The following NOX3 variants were observed in gnomAD, a reference collection of about 807,000 sequenced individuals.
NOX3 encodes NADPH oxidase catalytic subunit-like 3.
NOX3 carries 74 observed loss-of-function variants against 76.7 expected under a neutral mutation model. That is an observed-to-expected ratio of 0.96 (90% CI 0.80 to 1.17). The LOEUF (loss-of-function observed/expected upper bound fraction) is 1.17. NOX3 is among the 50% of genes most tolerant of loss of function. The probability of loss-of-function intolerance (pLI) is 0.00; values close to 1 mark genes in which losing one functional copy is unlikely to be tolerated. For synonymous variants in NOX3, 263 were observed against 261.1 expected, an observed-to-expected ratio of 1.01 and a Z score of -0.07; for missense variants, 695 against 703.3, an observed-to-expected ratio of 0.99 and a Z score of 0.13.
chr6:155,428,702 A>C (rs1182444573), intron 9 of NOX3, 92 bp downstream of exon 9: 1 of 1,223,936 alleles, frequency 8.2e-7, no homozygotes, highest in African/African-American at 1.5e-5. Context: ...CATTTAATAA[A>C]GATATTGCTG....
In NOX3 at chr6:155,428,774, T is replaced by G; in HGVS notation, c.1145+20A>C. On this transcript the variant is annotated intron_variant, in intron 9 of 13. Coordinates refer to ENST00000159060, the MANE Select transcript of NOX3 (RefSeq NM_015718.3). ...TTTTTATAATACTGCAATTTATACATGAGAGAAATGGGCACGAACCTTGGC... is the reference window on the plus strand; with the variant it reads ...TTTTTATAATACTGCAATTTATACAGGAGAGAAATGGGCACGAACCTTGGC... 1 of 1,471,018 alleles carries G rather than the reference T, an allele frequency of 6.8e-7. No homozygotes were observed. The highest frequency in any genetic ancestry group is 1.5e-5 in the South Asian group (1 of 64,528). 91.1% of individuals were successfully genotyped at this position (1,471,018 alleles called of 1,614,324 possible).
chr6:155,418,225 T>A (rs1776644783), intron 10 of NOX3, among the ~76,000 whole-genome samples: 1 of 152,150 alleles, frequency 6.6e-6, no homozygotes, highest in Non-Finnish European at 1.5e-5. Context: ...CCGTCCTAAT[T>A]TTTTTTCAAG....
chr6:155,422,783 C>T lies in NOX3; in HGVS notation c.1219G>A (p.Ala407Thr), dbSNP rs76198873. ...FHYPVCVCVA[A>T]GIGVTPFAAL... Reference sequence around the variant, plus strand: ...GCGAAGGGAGTGACTCCGATCCCCGCGGCAACGCACACACACACTGGGTAG... The same window carrying T: ...GCGAAGGGAGTGACTCCGATCCCCGTGGCAACGCACACACACACTGGGTAG... Residue 407 changes from alanine (A) to threonine (T), a missense_variant, in exon 10 of 14, where the codon GCG becomes ACG. By Grantham distance (58) the Ala-to-Thr change is moderately conservative (BLOSUM62 0). Coordinates refer to ENST00000159060, the MANE Select transcript of NOX3 (RefSeq NM_015718.3). 99 of 1,614,180 alleles carry T rather than the reference C, an allele frequency of 6.1e-5. No homozygotes were observed. The African/African-American group carries it at 9.6e-4, about 16-fold the overall frequency.
At chr6:155,396,731 G>T in intron 13 of NOX3, 78 bp downstream of exon 13, 1 of 1,218,686 alleles carries the variant, frequency 8.2e-7, no homozygotes, top group Non-Finnish European at 1.1e-6. Flanking sequence ...ACAGTGCATA[G>T]AGCCTAAAAT....
In NOX3 at chr6:155,455,674, G is replaced by A. The variant is rs147123751; in HGVS notation, c.48+79C>T. On this transcript the variant is annotated intron_variant, in intron 1 of 13. Coordinates refer to ENST00000159060, the MANE Select transcript of NOX3 (RefSeq NM_015718.3). ...AGAGTAATACTTCAAGCTATTTAGC[G>A]TTCCTATACAAGTTTTCCTAAAAAT... The A allele has an allele frequency of 1.3e-3, 1,384 of 1,103,132 alleles. 1 individual carries two copies. The highest frequency in any genetic ancestry group is 1.6e-3 in the Non-Finnish European group (1,154 of 730,478). 68.3% of individuals were successfully genotyped at this position (1,103,132 alleles called of 1,614,324 possible).
intron 12 of NOX3, 69 bp downstream of exon 12, chr6:155,407,061 T>G (rs983538829): frequency 1.8e-5 from 28 of 1,576,484 alleles, no homozygotes; most frequent in Non-Finnish European, 2.4e-5. Flanking sequence ...GATTAACTTT[T>G]CACTCCAGCA....
intron 7 of NOX3, among the ~76,000 whole-genome samples, chr6:155,431,267 G>A (rs1280703530): frequency 3.3e-5 from 5 of 152,076 alleles, no homozygotes; most frequent in African/African-American, 7.2e-5. Context: ...TGATAGGGTC[G>A]TAAATGCTCC....
intron 9 of NOX3, among the ~76,000 whole-genome samples, chr6:155,425,375 A>G (rs1044403043): frequency 1.3e-5 from 2 of 152,128 alleles, no homozygotes; most frequent in Non-Finnish European, 2.9e-5. Flanking sequence ...TGATTTAGAC[A>G]CAGCGTTTCT....
At chr6:155,435,866 A>C (rs947978622) in intron 7 of NOX3, among the ~76,000 whole-genome samples, 6 of 152,242 alleles carry the variant, frequency 3.9e-5, no homozygotes, top group African/African-American at 1.4e-4. Context: ...AAATTAATTA[A>C]GTATCTTCTT....
At chr6:155,418,190 C>T (rs1324513181) in intron 10 of NOX3, among the ~76,000 whole-genome samples, 1 of 152,086 alleles carries the variant, frequency 6.6e-6, no homozygotes. Flanking sequence ...TTTCATTCAT[C>T]ATTTTGACAG....
In NOX3 at chr6:155,436,509, A is replaced by C. The variant is rs539125619; in HGVS notation, c.707T>G (p.Leu236Arg). The stretch of plus-strand genomic sequence containing the variant: ...GTCTCTACAGAAGGTGATGTTGTGC[A>C]GAGAGAGACTGTCTTGGGTTTGGCC... ...VRGQTQDSLSLHNITFCRDRY... is the reference protein window; with the variant it reads ...VRGQTQDSLSRHNITFCRDRY... The change falls in exon 7 of 14, where the codon CTG (leucine) becomes CGG (arginine). Residue 236 changes from leucine (L) to arginine (R), a missense_variant. Transcript: ENST00000159060. The C allele has an allele frequency of 6.8e-6, 11 of 1,614,034 alleles. No homozygotes were observed. The highest frequency in any genetic ancestry group is 9.3e-6 in the Non-Finnish European group (11 of 1,180,000).
chr6:155,427,028 T>TGCGCGC (rs1554263763), intron 9 of NOX3, among the ~76,000 whole-genome samples: 1 of 121,750 alleles, frequency 8.2e-6, no homozygotes, highest in African/African-American at 3.3e-5. Context: ...TGTGTGTGTG[T>TGCGCGC]GCTGGGGGGG....
intron 9 of NOX3, among the ~76,000 whole-genome samples, chr6:155,424,846 A>G (rs988468697): frequency 2.0e-5 from 3 of 152,234 alleles, no homozygotes; most frequent in African/African-American, 7.2e-5. Flanking sequence ...TTAAAAAATA[A>G]TCAGTCATAT....
intron 9 of NOX3, among the ~76,000 whole-genome samples, chr6:155,426,988 T>TGCGTGTGC (rs200933946): frequency 2.0e-4 from 18 of 91,934 alleles, no homozygotes; most frequent in African/African-American, 9.2e-4. Flanking sequence ...CTGTGGCGTG[T>TGCGTGTGC]GTGTGTGTGT....
intron 5 of NOX3, among the ~76,000 whole-genome samples, chr6:155,440,920 C>T (rs1248773081): frequency 1.3e-5 from 2 of 152,114 alleles, no homozygotes; most frequent in African/African-American, 4.8e-5. Context: ...GGTAGTTGTT[C>T]CTTGCTCTTG....
intron 9 of NOX3, 106 bp from the exon 10 acceptor site, chr6:155,422,962 A>C: frequency 8.7e-7 from 1 of 1,150,096 alleles, no homozygotes; most frequent in South Asian, 1.4e-5. Context: ...TTGCCAGTGC[A>C]TGCAGAGGTT....
chr6:155,442,187 C>A (rs1582945518), intron 5 of NOX3, among the ~76,000 whole-genome samples: 1 of 152,246 alleles, frequency 6.6e-6, no homozygotes, highest in African/African-American at 2.4e-5. Flanking sequence ...TAGCGTGAAT[C>A]CGGGAGGCGG....
intron 6 of NOX3, among the ~76,000 whole-genome samples, chr6:155,437,918 T>C (rs1170699875): frequency 6.6e-6 from 1 of 152,226 alleles, no homozygotes; most frequent in Non-Finnish European, 1.5e-5. Context: ...TGTAGAATAC[T>C]TCACACTGAG....
At chr6:155,450,388 T>A (rs749167763) in intron 4 of NOX3, among the ~76,000 whole-genome samples, 23 of 152,238 alleles carry the variant, frequency 1.5e-4, no homozygotes, top group Non-Finnish European at 3.1e-4. Context: ...CATGACTCCC[T>A]GAACAACTCA....
Sources: allele counts gnomAD v4.1 joint callset (sites outside exome capture counted in the v4.1 genomes callset), GRCh38; gene constraint gnomAD v4.1.1; transcripts MANE v1.5; gene names NCBI Gene and HGNC (gene_info 2026-07-23, HGNC 2026-07-21).